The following CTPS2 variants were observed in gnomAD, a reference collection of about 807,000 sequenced individuals.
CTPS2 encodes the protein CTP synthase 2.
In CTPS2, 19 loss-of-function variants were observed where a neutral mutation model predicts 46.8. The ratio of observed to expected loss-of-function variants is 0.41; its 90% CI spans 0.28 to 0.60. CTPS2 has a LOEUF of 0.60. Ranked by LOEUF, CTPS2 falls within the 20% of genes least tolerant of loss-of-function variation. The pLI, the probability that CTPS2 is intolerant of heterozygous loss-of-function variation, is 0.35. For missense variants in CTPS2, 286 were observed against 447.6 expected, an observed-to-expected ratio of 0.64 and a Z score of 3.26; for synonymous variants, 151 against 165.2, an observed-to-expected ratio of 0.91 and a Z score of 0.66.
At chrX:16,636,647 G>A (rs1451661389) in intron 14 of CTPS2, among the ~76,000 whole-genome samples, 4 of 111,049 alleles carry the variant, frequency 3.6e-5, no homozygotes, top group East Asian at 2.9e-4. Context: ...GAATTGGGCC[G>A]GGCGCGGTGG....
At chrX:16,710,407 A>G (rs1165137839) in intron 1 of CTPS2, among the ~76,000 whole-genome samples, 1 of 112,177 alleles carries the variant, frequency 8.9e-6, no homozygotes, top group African/African-American at 3.2e-5. Context: ...TCAATAAATT[A>G]TTATGCTTCT....
intron 17 of CTPS2, among the ~76,000 whole-genome samples, chrX:16,605,814 AC>A (rs1358398352): frequency 1.8e-5 from 2 of 112,297 alleles, no homozygotes; most frequent in Non-Finnish European, 3.8e-5. Flanking sequence ...TCTTGGGGGG[AC>A]CCCCTAAACA....
intron 17 of CTPS2, among the ~76,000 whole-genome samples, chrX:16,605,144 C>A (rs959177676): frequency 2.7e-5 from 3 of 111,490 alleles, no homozygotes; most frequent in Non-Finnish European, 5.6e-5. Flanking sequence ...ATGGTGAACA[C>A]CTGCTTTCCC....
At chrX:16,694,717 G>A (rs1923979781) in intron 4 of CTPS2, among the ~76,000 whole-genome samples, 1 of 112,597 alleles carries the variant, frequency 8.9e-6, no homozygotes, top group African/African-American at 3.2e-5. Flanking sequence ...ACCAAAGCCA[G>A]GGCTGGGTGC....
intron 13 of CTPS2, among the ~76,000 whole-genome samples, chrX:16,645,127 C>A (rs913608278): frequency 9.1e-6 from 1 of 109,975 alleles, no homozygotes; most frequent in Non-Finnish European, 1.9e-5. Context: ...GGACTACAGG[C>A]GCCCGCCACC....
At chrX:16,594,304 A>G (rs1469358725) in intron 17 of CTPS2, among the ~76,000 whole-genome samples, 1 of 110,899 alleles carries the variant, frequency 9.0e-6, no homozygotes, top group African/African-American at 3.3e-5. Flanking sequence ...CAGTGGGCTC[A>G]TATCTTCCCC....
At chrX:16,616,771 T>C (rs895036581) in intron 16 of CTPS2, among the ~76,000 whole-genome samples, 1 of 111,943 alleles carries the variant, frequency 8.9e-6, no homozygotes, top group African/African-American at 3.3e-5. Context: ...CTCGGCTCAC[T>C]GCAACCTCCA....
chrX:16,593,967 C>T (rs1929090642), intron 17 of CTPS2, among the ~76,000 whole-genome samples: 1 of 111,218 alleles, frequency 9.0e-6, no homozygotes, highest in Non-Finnish European at 1.9e-5. Context: ...CTTCCTCGTT[C>T]TATGCAACAT....
intron 13 of CTPS2, among the ~76,000 whole-genome samples, chrX:16,656,083 G>A (rs1369312506): frequency 2.7e-5 from 3 of 111,344 alleles, no homozygotes; most frequent in East Asian, 5.7e-4. Context: ...GGTCGCACCC[G>A]GCCTCTCTCA....
chrX:16,591,653 C>T (rs917653783), intron 17 of CTPS2, among the ~76,000 whole-genome samples: 1 of 111,278 alleles, frequency 9.0e-6, no homozygotes, highest in Non-Finnish European at 1.9e-5. Context: ...ATATACATTG[C>T]ATGAAGCGGA....
intron 17 of CTPS2, among the ~76,000 whole-genome samples, chrX:16,596,526 C>A (rs1210875488): frequency 5.5e-5 from 6 of 110,051 alleles, no homozygotes; most frequent in Non-Finnish European, 1.9e-5. Flanking sequence ...ATGAACTCAT[C>A]ATTTTTTATG....
intron 4 of CTPS2, among the ~76,000 whole-genome samples, chrX:16,696,383 C>T (rs1384892746): frequency 9.0e-6 from 1 of 111,658 alleles, no homozygotes; most frequent in Non-Finnish European, 1.9e-5. Context: ...GTCAGTTTCC[C>T]TGTTTCCATG....
intron 14 of CTPS2, among the ~76,000 whole-genome samples, chrX:16,620,581 C>G (rs1930772210): frequency 8.9e-6 from 1 of 112,604 alleles, no homozygotes; most frequent in Non-Finnish European, 1.9e-5. Context: ...AGATGCTACA[C>G]AAGTCCACCA....
chrX:16,630,993 T>C (rs1487531251), intron 14 of CTPS2, among the ~76,000 whole-genome samples: 3 of 112,341 alleles, frequency 2.7e-5, no homozygotes, highest in South Asian at 3.6e-4. Context: ...CAAAAGGCCA[T>C]TGAGGATCTC....
intron 17 of CTPS2, among the ~76,000 whole-genome samples, chrX:16,594,322 C>T (rs1254407386): frequency 9.0e-6 from 1 of 111,411 alleles, no homozygotes; most frequent in Non-Finnish European, 1.9e-5. Flanking sequence ...CCCCCACACT[C>T]CTGGTTATAC....
rs1396306990 is a variant in CTPS2 at position 16,636,651 on chromosome X, G to A, written c.1393+2496C>T. Among the ~76,000 whole-genome samples, 8 of 111,206 alleles carry A rather than the reference G, an allele frequency of 7.2e-5. No individual in the cohort carries two copies. In the East Asian group the frequency reaches 8.6e-4, roughly 12 times the overall value. Reference sequence around the variant, plus strand: ...AAAAAATCAGTGAATTGGGCCGGGCGCGGTGGCTCACGCCTGTAATCCCAG... The same window carrying A: ...AAAAAATCAGTGAATTGGGCCGGGCACGGTGGCTCACGCCTGTAATCCCAG... On this transcript the variant is annotated intron_variant, in intron 14 of 18. Coordinates refer to ENST00000359276, the MANE Select transcript of CTPS2 (RefSeq NM_175859.3).
chrX:16,663,662 C>G (rs1933042666), intron 13 of CTPS2, among the ~76,000 whole-genome samples: 1 of 110,129 alleles, frequency 9.1e-6, no homozygotes, highest in Non-Finnish European at 1.9e-5. Context: ...GAATATCCAG[C>G]CTGGGCAACA....
chrX:16,594,059 C>T (rs774828539), intron 17 of CTPS2, among the ~76,000 whole-genome samples: 2 of 111,577 alleles, frequency 1.8e-5, no homozygotes, highest in African/African-American at 3.3e-5. Context: ...AGGTCAAGGA[C>T]GTTCAAGTGA....
intron 13 of CTPS2, among the ~76,000 whole-genome samples, chrX:16,651,317 A>G (rs990946673): frequency 1.8e-5 from 2 of 111,263 alleles, no homozygotes; most frequent in Non-Finnish European, 3.8e-5. Flanking sequence ...CTCAGAAAAC[A>G]AGGGCCAAGC....
Sources: gnomAD v4.1 joint callset for allele counts (sites outside exome capture counted in the v4.1 genomes callset) on GRCh38, gnomAD v4.1.1 for gene constraint, MANE v1.5 for transcripts, NCBI Gene and HGNC (gene_info 2026-07-23, HGNC 2026-07-21) for gene names.